KRABD3: variants seen among roughly 807,000 people sequenced by gnomAD.
KRABD3 encodes the protein KRAB domain-containing protein 3.
the KRABD3 span, chr7:149,730,364 G>T: frequency 6.5e-7 from 1 of 1,547,410 alleles, no homozygotes; most frequent in Non-Finnish European, 8.7e-7. Flanking sequence ...GGAGAGGGAG[G>T]ATAGCGGGAT....
At chr7:149,732,010 G>C in the KRABD3 span, among the ~76,000 whole-genome samples, 204 of 152,314 alleles carry the variant, frequency 1.3e-3, 2 homozygotes, top group East Asian at 0.037. This position sits in a 1 kb window ranked among gnomAD's most constrained non-coding sequence, Gnocchi z 4.0. Flanking sequence ...TCAAAGTTTG[G>C]GGCTTGAGGG....
At chr7:149,719,294 ATTCC>A in the KRABD3 span, 1 of 381,184 alleles carries the variant, frequency 2.6e-6, no homozygotes, top group East Asian at 4.8e-5. The surrounding 1 kb of genome is among the most constrained non-coding windows in gnomAD (Gnocchi z 5.6). Context: ...ATCTTAAGTA[ATTCC>A]ATCTGCAGGG....
chr7:149,722,348 G>A, the KRABD3 span: 32 of 1,554,056 alleles, frequency 2.1e-5, no homozygotes, highest in Non-Finnish European at 2.8e-5. Context: ...TCCTCTATGG[G>A]AACCAGATCT....
the KRABD3 span, chr7:149,733,841 C>T: frequency 6.2e-7 from 1 of 1,602,028 alleles, no homozygotes; most frequent in East Asian, 2.3e-5. Flanking sequence ...CCCCCTTCCC[C>T]CTTTAGTGCC....
At chr7:149,733,330 A>G in the KRABD3 span, 6 of 1,612,418 alleles carry the variant, frequency 3.7e-6, no homozygotes, top group Non-Finnish European at 4.2e-6. Flanking sequence ...TGCAGCCGCC[A>G]TGCCACTGTG....
the KRABD3 span, among the ~76,000 whole-genome samples, chr7:149,732,584 G>A: frequency 6.6e-6 from 1 of 151,962 alleles, no homozygotes; most frequent in East Asian, 1.9e-4. The surrounding 1 kb of genome is among the most constrained non-coding windows in gnomAD (Gnocchi z 4.0). Context: ...AATTCCAAGG[G>A]AATTTAGGGC....
At chr7:149,729,470 C>T in the KRABD3 span, 1 of 1,285,768 alleles carries the variant, frequency 7.8e-7, no homozygotes, top group Non-Finnish European at 9.9e-7. Flanking sequence ...TCTTCCCCAT[C>T]TCTCATCCTT....
At chr7:149,732,495 G>C in the KRABD3 span, among the ~76,000 whole-genome samples, 1 of 152,206 alleles carries the variant, frequency 6.6e-6, no homozygotes, top group African/African-American at 2.4e-5. The surrounding 1 kb of genome is among the most constrained non-coding windows in gnomAD (Gnocchi z 4.0). Context: ...CCATCTCTGC[G>C]CCCGGCCTGG....
the KRABD3 span, chr7:149,724,610 C>G: frequency 7.0e-7 from 1 of 1,434,434 alleles, no homozygotes; most frequent in Non-Finnish European, 9.3e-7. Context: ...CAGGGTGAGT[C>G]CAGGCCTGAA....
chr7:149,720,893 C>T, the KRABD3 span: 1 of 1,611,038 alleles, frequency 6.2e-7, no homozygotes, highest in Non-Finnish European at 8.5e-7. Flanking sequence ...TGAAGGAGAT[C>T]CCAGAGTTCT....
At chr7:149,727,462 A>G in the KRABD3 span, among the ~76,000 whole-genome samples, 1 of 152,206 alleles carries the variant, frequency 6.6e-6, no homozygotes, top group South Asian at 2.1e-4. Flanking sequence ...GGGAAAATGA[A>G]GCCTTCGGCA....
At chr7:149,732,917 C>T in the KRABD3 span, among the ~76,000 whole-genome samples, 16 of 152,130 alleles carry the variant, frequency 1.1e-4, no homozygotes, top group Non-Finnish European at 2.1e-4. The surrounding 1 kb of genome is among the most constrained non-coding windows in gnomAD (Gnocchi z 4.0). Context: ...AAAGACCCAC[C>T]GATTCCTAGA....
At chr7:149,723,449 C>T in the KRABD3 span, 1 of 448,566 alleles carries the variant, frequency 2.2e-6, no homozygotes, top group Non-Finnish European at 4.0e-6. Context: ...TGTTCAGGAC[C>T]CCAGAGCTGT....
the KRABD3 span, chr7:149,728,715 G>T: frequency 6.3e-7 from 1 of 1,599,646 alleles, no homozygotes; most frequent in Non-Finnish European, 8.5e-7. Flanking sequence ...AGACAGGGCT[G>T]CTCTGAGGAT....
the KRABD3 span, chr7:149,733,510 C>G: frequency 6.3e-7 from 1 of 1,589,882 alleles, no homozygotes; most frequent in African/African-American, 1.3e-5. Context: ...GCCAAGCTTC[C>G]TGGATGTGGA....
At chr7:149,724,565 C>A in the KRABD3 span, 1 of 974,398 alleles carries the variant, frequency 1.0e-6, no homozygotes, top group Non-Finnish European at 1.4e-6. Context: ...GCTTTGGAAG[C>A]CCCTCCTAAC....
At chr7:149,728,557 G>A in the KRABD3 span, 9 of 1,613,586 alleles carry the variant, frequency 5.6e-6, no homozygotes, top group Non-Finnish European at 6.8e-6. Context: ...TGCAGGGTCT[G>A]GAGAATTGTC....
the KRABD3 span, chr7:149,725,179 T>A: frequency 1.1e-6 from 1 of 876,094 alleles, no homozygotes; most frequent in East Asian, 2.8e-5. Context: ...AAGGGTTTCC[T>A]GCCTGGCAGG....
the KRABD3 span, chr7:149,734,038 G>C: frequency 6.2e-7 from 1 of 1,603,772 alleles, no homozygotes; most frequent in African/African-American, 1.3e-5. Flanking sequence ...CGAGATGGGG[G>C]GCGCATTGAT....
Sources: gnomAD v4.1 joint callset for allele counts (sites outside exome capture counted in the v4.1 genomes callset) on GRCh38, gnomAD v4.1.1 for gene constraint, Gnocchi (gnomAD v3.1) non-coding constraint, MANE v1.5 for transcripts, NCBI Gene and HGNC (gene_info 2026-07-23, HGNC 2026-07-21) for gene names.